Variants in ABHD6 observed in about 807,000 individuals in gnomAD.
ABHD6 encodes the protein monoacylglycerol lipase ABHD6.
Under a neutral mutation model 38.8 loss-of-function variants are expected in ABHD6, and 33 were observed. That is an observed-to-expected ratio of 0.85 (90% CI 0.64 to 1.14). ABHD6 has a LOEUF of 1.14. Among genes scored for constraint, ABHD6 ranks in the 50% most tolerant of loss-of-function variants. The pLI is 0.00. For missense variants in ABHD6, 380 were observed against 422.6 expected, an observed-to-expected ratio of 0.90 and a Z score of 0.88; for synonymous variants, 147 against 161.6, an observed-to-expected ratio of 0.91 and a Z score of 0.69.
rs940171929 is a variant in ABHD6 at position 58,238,117 on chromosome 3, C to G, written c.-91+201C>G. 1 of 152,404 alleles carries G rather than the reference C, an allele frequency of 6.6e-6. No individual in the cohort carries two copies. The highest frequency in any genetic ancestry group is 2.4e-5 in the African/African-American group (1 of 41,442). The allele number at this position is 152,404 out of a possible 1,614,324, so 9.4% of individuals were successfully genotyped here. ...GCTGCCTGGATAGGTTTGAGATGCCCGAAACCCGGCGCCCCATTTCCTGGG... is the reference window on the plus strand; with the variant it reads ...GCTGCCTGGATAGGTTTGAGATGCCGGAAACCCGGCGCCCCATTTCCTGGG... On this transcript the variant is annotated intron_variant, in intron 1 of 9. Transcript: ENST00000478253. The surrounding 1 kb of genome is among the most constrained non-coding windows in gnomAD (Gnocchi z 6.9).
chr3:58,274,670 C>G lies in ABHD6; in HGVS notation c.536C>G (p.Ser179Ter), dbSNP rs1434578079. 6.8e-6 allele frequency: 11 copies of G among 1,614,124 alleles called. No homozygotes were observed. The highest frequency in any genetic ancestry group is 9.3e-6 in the Non-Finnish European group (11 of 1,179,960). Residue 179 changes from serine to a stop codon, truncating the protein, a stop_gained, in exon 7 of 10, where the codon TCA (serine) becomes TGA (stop). Transcript: ENST00000478253. LOFTEE classifies it high-confidence loss of function. ...CLVCPAGLQY[S>*]TDNQFVQRLK... ...TTGAATCCCACAGGCCTGCAGTACT[C>G]AACTGACAATCAATTTGTACAACGG...
At chr3:58,250,267 A>G (rs1024881169) in intron 2 of ABHD6, among the ~76,000 whole-genome samples, 1 of 152,170 alleles carries the variant, frequency 6.6e-6, no homozygotes, top group Non-Finnish European at 1.5e-5. Flanking sequence ...CTCTGAAGGC[A>G]GGGAAGAGTT....
Position 58,284,970 on chromosome 3 carries a change from C to A in ABHD6, c.682-115C>A, listed in dbSNP as rs1011124290. 8.6e-6 allele frequency: 8 copies of A among 928,578 alleles called. No homozygotes were observed. The African/African-American group carries it at 1.3e-4, about 15-fold the overall frequency. The allele number at this position is 928,578 out of a possible 1,614,324, so 57.5% of individuals were successfully genotyped here. ...AATTCAGAGGACCAGGCTCTAAAGA[C>A]CTTGACAGTGCAATAAATTGCTGGA... On this transcript the variant is annotated intron_variant, in intron 7 of 9. Coordinates refer to ENST00000478253, the MANE Select transcript of ABHD6 (RefSeq NM_001320126.2).
chr3:58,274,178 G>T (rs1461912596), intron 6 of ABHD6, among the ~76,000 whole-genome samples: 1 of 152,194 alleles, frequency 6.6e-6, no homozygotes, highest in Non-Finnish European at 1.5e-5. Flanking sequence ...AGAGTACCAC[G>T]TGGGTCCAGG....
Position 58,293,916 on chromosome 3 carries a change from TC to T in ABHD6, c.*155del. On this transcript the variant is annotated 3_prime_UTR_variant, in exon 10 of 10. Coordinates refer to ENST00000478253, the MANE Select transcript of ABHD6 (RefSeq NM_001320126.2). This position sits in a 1 kb window ranked among gnomAD's most constrained non-coding sequence, Gnocchi z 4.4. Reference sequence around the variant, plus strand: ...GTCCCTTATCCCTGGTATCCACGGTTCCCCAGAGCTTTGGGGACCACGCGAA... The same window carrying T: ...GTCCCTTATCCCTGGTATCCACGGTTCCCAGAGCTTTGGGGACCACGCGAA... 1.2e-6 allele frequency: 1 copy of T among 805,050 alleles called. No homozygotes were observed. Among genetic ancestry groups the T allele is most frequent in the Admixed American group, 3.1e-5 (1 of 32,692 alleles). The allele number at this position is 805,050 out of a possible 1,614,324, so 49.9% of individuals were successfully genotyped here.
chr3:58,242,626 T>A (rs1253683361), intron 1 of ABHD6, among the ~76,000 whole-genome samples: 1 of 152,226 alleles, frequency 6.6e-6, no homozygotes, highest in African/African-American at 2.4e-5. Context: ...CAAGGCACAG[T>A]GTATGCTAAG....
rs893454719 is a variant in ABHD6 at position 58,293,533 on chromosome 3, C to T, written c.838-56C>T. 1.6e-5 allele frequency: 26 copies of T among 1,579,408 alleles called. No individual in the cohort carries two copies. The highest frequency in any genetic ancestry group is 5.1e-5 in the Admixed American group (3 of 58,418). On this transcript the variant is annotated intron_variant, in intron 9 of 9. Coordinates refer to ENST00000478253, the MANE Select transcript of ABHD6 (RefSeq NM_001320126.2). This position sits in a 1 kb window ranked among gnomAD's most constrained non-coding sequence, Gnocchi z 4.4. ...TGGTGGAAGTTCTGTCCACAGAGTGCACACGTGGGTGTCTGAATCTTTGTG... is the reference window on the plus strand; with the variant it reads ...TGGTGGAAGTTCTGTCCACAGAGTGTACACGTGGGTGTCTGAATCTTTGTG...
At chr3:58,289,991 G>A (rs1406801479) in intron 9 of ABHD6, among the ~76,000 whole-genome samples, 1 of 143,674 alleles carries the variant, frequency 7.0e-6, no homozygotes, top group Non-Finnish European at 1.5e-5. Context: ...CGGGCGGGGG[G>A]CTGACCCCCC....
chr3:58,256,276 C>T lies in ABHD6; in HGVS notation c.-25-286C>T, dbSNP rs1366794365. On this transcript the variant is annotated intron_variant, in intron 2 of 9. Coordinates refer to ENST00000478253, the MANE Select transcript of ABHD6 (RefSeq NM_001320126.2). This position sits in a 1 kb window ranked among gnomAD's most constrained non-coding sequence, Gnocchi z 4.3. ...ATACTCAAGAATTGTGTCACTGATA[C>T]ATTGACGTTGTCTAATACCCAGCCC... 6.6e-6 allele frequency among the ~76,000 whole-genome samples: 1 copy of T among 152,148 alleles called. No individual in the cohort carries two copies. Among genetic ancestry groups the T allele is most frequent in the Non-Finnish European group, 1.5e-5 (1 of 68,020 alleles).
At chr3:58,254,457 C>T (rs540574008) in intron 2 of ABHD6, among the ~76,000 whole-genome samples, 15 of 152,180 alleles carry the variant, frequency 9.9e-5, no homozygotes, top group South Asian at 2.1e-4. Flanking sequence ...AAATCGTCAC[C>T]GTCTGGCACT....
At chr3:58,255,790 A>G (rs995558588) in intron 2 of ABHD6, among the ~76,000 whole-genome samples, 6 of 151,692 alleles carry the variant, frequency 4.0e-5, no homozygotes, top group African/African-American at 1.2e-4. Flanking sequence ...AATTACAGTC[A>G]CCTGCCACCA....
rs528778587 is a variant in ABHD6 at position 58,239,393 on chromosome 3, T to A, written c.-91+1477T>A. On this transcript the variant is annotated intron_variant, in intron 1 of 9. Coordinates refer to ENST00000478253, the MANE Select transcript of ABHD6 (RefSeq NM_001320126.2). ...AAGCAGCAGCTGTTATTATGAAGAG[T>A]GGTAGTTGACCACTACCTTGAATTA... 4.6e-5 allele frequency among the ~76,000 whole-genome samples: 7 copies of A among 152,266 alleles called. No individual in the cohort carries two copies. In the South Asian group the frequency reaches 1.5e-3, roughly 32 times the overall value.
chr3:58,244,545 G>A (rs1056089736), intron 1 of ABHD6, among the ~76,000 whole-genome samples: 4 of 152,108 alleles, frequency 2.6e-5, no homozygotes, highest in Admixed American at 1.3e-4. Flanking sequence ...CAGGAGGATT[G>A]CTTGAGGCCA....
rs1429530347 is a variant in ABHD6, at chr3:58,256,333, G to A, written c.-25-229G>A. On this transcript the variant is annotated intron_variant, in intron 2 of 9. Coordinates refer to ENST00000478253, the MANE Select transcript of ABHD6 (RefSeq NM_001320126.2). This position sits in a 1 kb window ranked among gnomAD's most constrained non-coding sequence, Gnocchi z 4.3. Reference sequence around the variant, plus strand: ...AGATTTTCACATTTGTCCCAACTATGTCCTTTATAATGTTTTTTTTTTTTA... The same window carrying A: ...AGATTTTCACATTTGTCCCAACTATATCCTTTATAATGTTTTTTTTTTTTA... Among the ~76,000 whole-genome samples, 1 of 112,972 alleles carries A rather than the reference G, an allele frequency of 8.9e-6. No individual in the cohort carries two copies. Among genetic ancestry groups the A allele is most frequent in the Non-Finnish European group, 1.7e-5 (1 of 58,260 alleles). The allele number at this position is 112,972 out of a possible 152,430, so 74.1% of individuals were successfully genotyped here.
intron 1 of ABHD6, among the ~76,000 whole-genome samples, chr3:58,248,915 G>T (rs536737596): frequency 6.6e-6 from 1 of 152,338 alleles, no homozygotes; most frequent in African/African-American, 2.4e-5. Context: ...CCATCACCCT[G>T]TAGATTTAAT....
intron 4 of ABHD6, among the ~76,000 whole-genome samples, chr3:58,268,814 A>C (rs757881012): frequency 2.0e-5 from 3 of 152,214 alleles, no homozygotes; most frequent in Non-Finnish European, 4.4e-5. Context: ...GGATAATAAT[A>C]ATTTGGAAAA....
rs61099164 is a variant in ABHD6, at chr3:58,264,387, GCACACACACACACACACACA to G, written c.120-2763_120-2744del. Among the ~76,000 whole-genome samples, 1,255 of 132,288 alleles carry G rather than the reference GCACACACACACACACACACA, an allele frequency of 9.5e-3. 17 individuals carry two copies. The highest frequency in any genetic ancestry group is 0.012 in the East Asian group (58 of 4,784). 86.8% of individuals were successfully genotyped at this position (132,288 alleles called of 152,430 possible). On this transcript the variant is annotated intron_variant, in intron 3 of 9. Coordinates refer to ENST00000478253, the MANE Select transcript of ABHD6 (RefSeq NM_001320126.2). Reference sequence around the variant, plus strand: ...GAACTTTATAACTGGTTATATAAACGCACACACACACACACACACACACACACACACACACACACACACAC... The same window carrying G: ...GAACTTTATAACTGGTTATATAAACGCACACACACACACACACACACACAC...
chr3:58,244,244 G>A (rs747782459), intron 1 of ABHD6, among the ~76,000 whole-genome samples: 1 of 152,188 alleles, frequency 6.6e-6, no homozygotes, highest in Non-Finnish European at 1.5e-5. Context: ...AGCAATAATA[G>A]GATCTGGCAA....
In ABHD6 at chr3:58,269,462, C is replaced by T; in HGVS notation, c.390+28C>T. The T allele has an allele frequency of 2.6e-6, 4 of 1,549,962 alleles. No individual in the cohort carries two copies. Among genetic ancestry groups the T allele is most frequent in the Non-Finnish European group, 3.6e-6 (4 of 1,124,292 alleles). On this transcript the variant is annotated intron_variant, in intron 5 of 9. Coordinates refer to ENST00000478253, the MANE Select transcript of ABHD6 (RefSeq NM_001320126.2). This position sits in a 1 kb window ranked among gnomAD's most constrained non-coding sequence, Gnocchi z 4.4. Reference sequence around the variant, plus strand: ...AAGCAGGAGGCTCTACCAAAGATTGCCCAGACTGTCTCAGCCACCATTACA... The same window carrying T: ...AAGCAGGAGGCTCTACCAAAGATTGTCCAGACTGTCTCAGCCACCATTACA...
Sources: allele counts gnomAD v4.1 joint callset (sites outside exome capture counted in the v4.1 genomes callset), GRCh38; gene constraint gnomAD v4.1.1; non-coding constraint Gnocchi (gnomAD v3.1); transcripts MANE v1.5; gene names NCBI Gene and HGNC (gene_info 2026-07-23, HGNC 2026-07-21).